Variants in CAMKMT observed in about 807,000 individuals in gnomAD.
The protein encoded by CAMKMT is CaM KMT.
Under a neutral mutation model 48.0 loss-of-function variants are expected in CAMKMT, and 53 were observed. The ratio of observed to expected loss-of-function variants is 1.10; its 90% confidence interval spans 0.89 to 1.39. The LOEUF (loss-of-function observed/expected upper bound fraction) is 1.39, where lower values mean the gene tolerates loss of function less well. Ranked by LOEUF, CAMKMT falls within the 40% of genes most tolerant of loss-of-function variation. The probability of loss-of-function intolerance (pLI) is 0.00; values close to 1 mark genes in which losing one functional copy is unlikely to be tolerated. For synonymous variants in CAMKMT, 165 were observed against 152.3 expected, an observed-to-expected ratio of 1.08 and a Z score of -0.61; for missense variants, 428 against 402.7, an observed-to-expected ratio of 1.06 and a Z score of -0.54.
chr2:44,364,172 A>C (rs1678346576), intron 1 of CAMKMT, among the ~76,000 whole-genome samples: 1 of 151,992 alleles, frequency 6.6e-6, no homozygotes, highest in South Asian at 2.1e-4. Flanking sequence ...AGTATAGTAA[A>C]AACTACAGCA....
At chr2:44,565,611 CA>C (rs1169133523) in intron 3 of CAMKMT, among the ~76,000 whole-genome samples, 1 of 150,116 alleles carries the variant, frequency 6.7e-6, no homozygotes, top group African/African-American at 2.5e-5. Flanking sequence ...TAGTGAGCTA[CA>C]AAACAAAACA....
chr2:44,414,429 T>A (rs951599313), intron 3 of CAMKMT, among the ~76,000 whole-genome samples: 1 of 152,146 alleles, frequency 6.6e-6, no homozygotes, highest in African/African-American at 2.4e-5. Flanking sequence ...CCGGGGTCAC[T>A]CACATGGTTG....
Position 44,662,666 on chromosome 2 carries a change from C to T in CAMKMT, c.377-41617C>T, listed in dbSNP as rs184988205. Among the ~76,000 whole-genome samples the T allele has an allele frequency of 2.2e-4, 34 of 152,248 alleles. No individual in the cohort carries two copies. The East Asian group carries it at 6.6e-3, about 29-fold the overall frequency. On this transcript the variant is annotated intron_variant, in intron 3 of 10. Transcript: ENST00000378494. Reference sequence around the variant, plus strand: ...GGAGTGCAGTGGTGCCATCATATCTCACTGCTCAGGTAATCCTCTCACCTC... The same window carrying T: ...GGAGTGCAGTGGTGCCATCATATCTTACTGCTCAGGTAATCCTCTCACCTC...
chr2:44,371,459 A>G (rs571459850), intron 1 of CAMKMT, among the ~76,000 whole-genome samples: 8 of 152,152 alleles, frequency 5.3e-5, no homozygotes, highest in Non-Finnish European at 1.0e-4. Flanking sequence ...TTCACAGGTT[A>G]TTTATAAGTA....
In CAMKMT at chr2:44,653,813, C is replaced by G. The variant is rs899776314; in HGVS notation, c.377-50470C>G. Among the ~76,000 whole-genome samples, 1 of 152,230 alleles carries G rather than the reference C, an allele frequency of 6.6e-6. No individual in the cohort carries two copies. The highest frequency in any genetic ancestry group is 1.5e-5 in the Non-Finnish European group (1 of 67,998). ...AAAACAAGAATTGAAAAGATCTCAT[C>G]GAGTGCCTAGAACAAAACTGACACA... On this transcript the variant is annotated intron_variant, in intron 3 of 10. Coordinates refer to ENST00000378494, the MANE Select transcript of CAMKMT (RefSeq NM_024766.5). This position sits in a 1 kb window ranked among gnomAD's most constrained non-coding sequence, Gnocchi z 5.2.
At chr2:44,752,815 A>G (rs115460453) in intron 8 of CAMKMT, among the ~76,000 whole-genome samples, 2,457 of 152,280 alleles carry the variant, frequency 0.016, 29 homozygotes, top group African/African-American at 0.036. Context: ...AAAGGAGCCA[A>G]ACTCCCCACC....
intron 3 of CAMKMT, among the ~76,000 whole-genome samples, chr2:44,688,541 T>A (rs1676465606): frequency 6.6e-6 from 1 of 152,176 alleles, no homozygotes; most frequent in South Asian, 2.1e-4. Context: ...GAATGTCATA[T>A]ATTTAATTTC....
intron 3 of CAMKMT, among the ~76,000 whole-genome samples, chr2:44,471,422 A>G (rs1255041121): frequency 2.0e-5 from 3 of 151,678 alleles, no homozygotes; most frequent in Non-Finnish European, 1.5e-5. Context: ...ACATAGCAAA[A>G]CCCCGTCTCT....
At chr2:44,669,330 A>T (rs942852698) in intron 3 of CAMKMT, among the ~76,000 whole-genome samples, 3 of 152,108 alleles carry the variant, frequency 2.0e-5, no homozygotes, top group African/African-American at 7.2e-5. Flanking sequence ...TGTATTGTTG[A>T]TGGACACTTG....
At chr2:44,585,041 C>T (rs549469914) in intron 3 of CAMKMT, among the ~76,000 whole-genome samples, 195 of 149,846 alleles carry the variant, frequency 1.3e-3, no homozygotes, top group African/African-American at 4.5e-3. Context: ...GGTGACAGAG[C>T]GAGACTCCGT....
chr2:44,412,951 C>T (rs1683310847), intron 3 of CAMKMT, among the ~76,000 whole-genome samples: 1 of 151,770 alleles, frequency 6.6e-6, no homozygotes. Flanking sequence ...TGGCGTGCGC[C>T]TGTAAACCCA....
chr2:44,733,761 A>T (rs1375227659), intron 7 of CAMKMT, among the ~76,000 whole-genome samples: 1 of 152,096 alleles, frequency 6.6e-6, no homozygotes, highest in Non-Finnish European at 1.5e-5. Flanking sequence ...CAAATGTTAA[A>T]CCAACCTTCT....
chr2:44,685,702 C>G (rs903009172), intron 3 of CAMKMT, among the ~76,000 whole-genome samples: 1 of 152,154 alleles, frequency 6.6e-6, no homozygotes, highest in African/African-American at 2.4e-5. Flanking sequence ...TTGTGGTTCT[C>G]AACTCATGCT....
At chr2:44,375,504 G>T (rs1039812157) in intron 2 of CAMKMT, among the ~76,000 whole-genome samples, 1 of 152,088 alleles carries the variant, frequency 6.6e-6, no homozygotes, top group African/African-American at 2.4e-5. Context: ...TCACCAGGCT[G>T]TGCATAAGTA....
Position 44,652,416 on chromosome 2 carries a change from G to A in CAMKMT, c.377-51867G>A, listed in dbSNP as rs151016385. On this transcript the variant is annotated intron_variant, in intron 3 of 10. Coordinates refer to ENST00000378494, the MANE Select transcript of CAMKMT (RefSeq NM_024766.5). ...TCCTAGGCTTGCTGAACTGCTCAGC[G>A]TCCGCAAGGGAACACAGGTGCTGAC... Among the ~76,000 whole-genome samples the A allele has an allele frequency of 3.9e-5, 6 of 152,276 alleles. No homozygotes were observed. In the South Asian group the frequency reaches 8.3e-4, roughly 21 times the overall value.
chr2:44,660,977 G>A (rs1674649426), intron 3 of CAMKMT, among the ~76,000 whole-genome samples: 1 of 152,096 alleles, frequency 6.6e-6, no homozygotes, highest in African/African-American at 2.4e-5. Flanking sequence ...TATATGTATT[G>A]AACAGGGATG....
intron 3 of CAMKMT, among the ~76,000 whole-genome samples, chr2:44,425,985 C>A (rs1445669490): frequency 6.6e-6 from 1 of 152,198 alleles, no homozygotes; most frequent in Non-Finnish European, 1.5e-5. Flanking sequence ...CCCGCCTTGG[C>A]CTCCCAAAGT....
intron 3 of CAMKMT, among the ~76,000 whole-genome samples, chr2:44,514,667 GCT>G (rs1020628586): frequency 2.0e-5 from 3 of 152,170 alleles, no homozygotes; most frequent in Non-Finnish European, 4.4e-5. Flanking sequence ...CTTGTTCACT[GCT>G]CTGTTTCCAG....
chr2:44,468,013 A>C (rs1182888994), intron 3 of CAMKMT, among the ~76,000 whole-genome samples: 1 of 152,208 alleles, frequency 6.6e-6, no homozygotes, highest in Non-Finnish European at 1.5e-5. Context: ...ATAGTATTAT[A>C]TAAAACTAAA....
Sources: allele counts gnomAD v4.1 joint callset (sites outside exome capture counted in the v4.1 genomes callset), GRCh38; gene constraint gnomAD v4.1.1; non-coding constraint Gnocchi (gnomAD v3.1); transcripts MANE v1.5; gene names NCBI Gene and HGNC (gene_info 2026-07-23, HGNC 2026-07-21).